AGPAT5: variants seen among roughly 807,000 people sequenced by gnomAD.
AGPAT5 encodes 1-acylglycerol-3-phosphate O-acyltransferase 5.
A neutral mutation model predicts 45.6 loss-of-function variants in AGPAT5; 46 were observed. The observed-to-expected ratio is 1.01, with a 90% CI of 0.80 to 1.29. The LOEUF (loss-of-function observed/expected upper bound fraction) is 1.29. Ranked by LOEUF, AGPAT5 falls within the 50% of genes most tolerant of loss-of-function variation. The pLI, the probability that AGPAT5 is intolerant of heterozygous loss-of-function variation, is 0.00. For missense variants in AGPAT5, 673 were observed against 450.7 expected (o/e 1.49, Z -4.47); for synonymous variants, 272 against 167.0 (o/e 1.63, Z -4.85).
At chr8:6,719,347 C>G (rs910782781) in intron 1 of AGPAT5, among the ~76,000 whole-genome samples, 1 of 152,150 alleles carries the variant, frequency 6.6e-6, no homozygotes, top group Non-Finnish European at 1.5e-5. Context: ...TTGCAGGATC[C>G]TCAAGTAAGC....
intron 7 of AGPAT5, among the ~76,000 whole-genome samples, chr8:6,755,842 G>A (rs1198242765): frequency 6.6e-6 from 1 of 152,168 alleles, no homozygotes; most frequent in Non-Finnish European, 1.5e-5. Context: ...GGTTAACAAT[G>A]AAACTTTAAG....
chr8:6,751,676 C>T (rs1271705050), intron 6 of AGPAT5, among the ~76,000 whole-genome samples: 2 of 152,100 alleles, frequency 1.3e-5, no homozygotes, highest in African/African-American at 4.8e-5. Context: ...GATGTCATTG[C>T]GGCAGAGACG....
rs1166361988 is a variant in AGPAT5, at chr8:6,758,361, A to T, written c.*973A>T. The T allele has an allele frequency of 6.5e-6, 1 of 152,684 alleles. No homozygotes were observed. The highest frequency in any genetic ancestry group is 1.9e-4 in the East Asian group (1 of 5,198). The allele number at this position is 152,684 out of a possible 1,614,324, so 9.5% of individuals were successfully genotyped here. A position where few individuals can be genotyped will look rare whatever the true frequency, so the allele number is the denominator to read the frequency against. On this transcript the variant is annotated 3_prime_UTR_variant, in exon 8 of 8. Transcript: ENST00000285518. ...CTTTGATTTCACAGAATATTCATTC[A>T]GAAGTCGCGTTTCTGTAGTGTGGTG...
chr8:6,729,759 AG>A (rs1800802389), intron 2 of AGPAT5, among the ~76,000 whole-genome samples: 1 of 152,232 alleles, frequency 6.6e-6, no homozygotes, highest in Admixed American at 6.5e-5. Flanking sequence ...AACAACTTCT[AG>A]GAAGTTTTTT....
At chr8:6,732,690 A>C in intron 4 of AGPAT5, 40 bp downstream of exon 4, 1 of 1,458,790 alleles carries the variant, frequency 6.9e-7, no homozygotes, top group Non-Finnish European at 9.3e-7. Flanking sequence ...ACCAGCTCTC[A>C]GTTTCTAAAT....
intron 1 of AGPAT5, among the ~76,000 whole-genome samples, chr8:6,716,148 C>G (rs766347390): frequency 2.6e-5 from 4 of 152,188 alleles, no homozygotes; most frequent in Non-Finnish European, 5.9e-5. Context: ...ATATATAATA[C>G]TGATATAACA....
chr8:6,751,370 C>G (rs1801649670), intron 6 of AGPAT5, among the ~76,000 whole-genome samples: 1 of 152,172 alleles, frequency 6.6e-6, no homozygotes, highest in East Asian at 1.9e-4. Flanking sequence ...TCTGGGGGAT[C>G]ACTGTTTGTC....
intron 1 of AGPAT5, among the ~76,000 whole-genome samples, chr8:6,713,215 C>T (rs1041235465): frequency 6.6e-6 from 1 of 152,246 alleles, no homozygotes; most frequent in Admixed American, 6.5e-5. Flanking sequence ...GGTGATCCTT[C>T]TGCCTTGGCC....
At chr8:6,716,994 C>G (rs1800355651) in intron 1 of AGPAT5, among the ~76,000 whole-genome samples, 1 of 152,002 alleles carries the variant, frequency 6.6e-6, no homozygotes, top group Non-Finnish European at 1.5e-5. Flanking sequence ...ACAGGGTACC[C>G]AAGTCTAGTG....
chr8:6,720,053 G>T (rs1471343732), intron 1 of AGPAT5, among the ~76,000 whole-genome samples: 1 of 152,142 alleles, frequency 6.6e-6, no homozygotes, highest in African/African-American at 2.4e-5. Flanking sequence ...GAGACATTCT[G>T]GGGAACTCAT....
chr8:6,719,972 T>C (rs1449118274), intron 1 of AGPAT5, among the ~76,000 whole-genome samples: 5 of 152,218 alleles, frequency 3.3e-5, no homozygotes, highest in African/African-American at 2.4e-5. Flanking sequence ...CCAAGTTGTA[T>C]TGATCAGTGG....
intron 6 of AGPAT5, among the ~76,000 whole-genome samples, chr8:6,751,763 G>A (rs948014960): frequency 3.3e-5 from 5 of 152,036 alleles, no homozygotes; most frequent in African/African-American, 1.2e-4. Context: ...AATAAATTGT[G>A]TGCTTAAGGA....
intron 2 of AGPAT5, among the ~76,000 whole-genome samples, chr8:6,726,502 C>G (rs960748940): frequency 4.6e-5 from 7 of 152,124 alleles, no homozygotes; most frequent in Non-Finnish European, 8.8e-5. Flanking sequence ...AGTGGGTTCT[C>G]TGAACATTTC....
At chr8:6,730,243 C>T (rs1206539369) in intron 2 of AGPAT5, among the ~76,000 whole-genome samples, 1 of 145,720 alleles carries the variant, frequency 6.9e-6, no homozygotes, top group East Asian at 2.0e-4. Flanking sequence ...AAAAAAAGCT[C>T]AAAAAACAGA....
At chr8:6,741,272 C>G (rs1801236803) in intron 4 of AGPAT5, among the ~76,000 whole-genome samples, 1 of 152,024 alleles carries the variant, frequency 6.6e-6, no homozygotes, top group African/African-American at 2.4e-5. Context: ...CTTAACGATA[C>G]TGATTTCTAA....
chr8:6,751,831 A>T (rs1801665271), intron 6 of AGPAT5, among the ~76,000 whole-genome samples: 1 of 152,198 alleles, frequency 6.6e-6, no homozygotes, highest in Non-Finnish European at 1.5e-5. Flanking sequence ...TTTTTCTACC[A>T]GTATTTTCAT....
At chr8:6,732,729 G>T (rs1800908115) in intron 4 of AGPAT5, 79 bp downstream of exon 4, 1 of 1,236,836 alleles carries the variant, frequency 8.1e-7, no homozygotes, top group Non-Finnish European at 1.1e-6. Flanking sequence ...TCTAAGAATT[G>T]TTTTGACAAT....
At chr8:6,756,697 C>T (rs1296057444) in intron 7 of AGPAT5, among the ~76,000 whole-genome samples, 2 of 151,750 alleles carry the variant, frequency 1.3e-5, no homozygotes, top group African/African-American at 4.8e-5. Context: ...GGGACTTGAG[C>T]ATCCTTTGAT....
chr8:6,744,460 G>C (rs1043949631), intron 5 of AGPAT5, among the ~76,000 whole-genome samples: 3 of 152,184 alleles, frequency 2.0e-5, no homozygotes, highest in African/African-American at 7.2e-5. Context: ...AGTCTGAAAT[G>C]GGTCTTACTC....
Sources: allele counts gnomAD v4.1 joint callset (sites outside exome capture counted in the v4.1 genomes callset), GRCh38; gene constraint gnomAD v4.1.1; transcripts MANE v1.5; gene names NCBI Gene and HGNC (gene_info 2026-07-23, HGNC 2026-07-21).